Variants in ERC2 observed in about 807,000 individuals in gnomAD.
ERC2 encodes ERC protein 2.
ERC2 carries 42 observed loss-of-function variants against 114.8 expected under a neutral mutation model. The observed-to-expected ratio is 0.37, with a 90% CI of 0.29 to 0.47. The LOEUF is 0.47. ERC2 is among the 20% of genes least tolerant of loss of function. The probability of loss-of-function intolerance (pLI) is 0.99; values close to 1 mark genes in which losing one functional copy is unlikely to be tolerated. For synonymous variants in ERC2, 454 were observed against 425.5 expected, an observed-to-expected ratio of 1.07 and a Z score of -0.82; for missense variants, 939 against 1,150.7, an observed-to-expected ratio of 0.82 and a Z score of 2.66.
chr3:56,148,697 G>C (rs566944871), intron 5 of ERC2, among the ~76,000 whole-genome samples: 2 of 152,214 alleles, frequency 1.3e-5, no homozygotes, highest in South Asian at 4.2e-4. Flanking sequence ...GAAGAGAGTG[G>C]ACTATAAATA....
chr3:55,840,204 A>G (rs1351977108), intron 14 of ERC2, among the ~76,000 whole-genome samples: 2 of 152,038 alleles, frequency 1.3e-5, no homozygotes, highest in Non-Finnish European at 1.5e-5. Context: ...TCCCCACACT[A>G]GGTGAAAAGA....
At chr3:56,404,205 C>A (rs2060625222) in intron 2 of ERC2, among the ~76,000 whole-genome samples, 1 of 152,202 alleles carries the variant, frequency 6.6e-6, no homozygotes. Context: ...GTAAGATTCT[C>A]TCTTGTTTTG....
intron 17 of ERC2, among the ~76,000 whole-genome samples, chr3:55,668,166 A>T (rs368618043): frequency 1.3e-5 from 2 of 152,132 alleles, no homozygotes; most frequent in East Asian, 3.9e-4. Context: ...CCCAACCATG[A>T]GTTAGCTGGC....
chr3:56,445,405 T>A (rs2062514230), intron 1 of ERC2, among the ~76,000 whole-genome samples: 1 of 152,224 alleles, frequency 6.6e-6, no homozygotes, highest in South Asian at 2.1e-4. Context: ...TGCTCTTGAA[T>A]CTTCTCCGTT....
intron 6 of ERC2, among the ~76,000 whole-genome samples, chr3:56,093,651 T>G (rs1324462793): frequency 6.6e-6 from 1 of 152,164 alleles, no homozygotes; most frequent in East Asian, 1.9e-4. Flanking sequence ...ATTTAGATTT[T>G]ATTAACTTTG....
intron 14 of ERC2, among the ~76,000 whole-genome samples, chr3:55,768,378 C>T (rs1196358988): frequency 6.6e-6 from 1 of 152,192 alleles, no homozygotes; most frequent in Admixed American, 6.5e-5. Flanking sequence ...ACTTAATGAT[C>T]ACCAACTCTG....
intron 5 of ERC2, among the ~76,000 whole-genome samples, chr3:56,144,389 G>A (rs4974169): frequency 0.18 from 28,004 of 152,134 alleles, 2,966 homozygotes; most frequent in Admixed American, 0.28. Flanking sequence ...GGGGGGTATG[G>A]CCCCAAATTA....
chr3:55,672,570 G>A (rs922302758), intron 17 of ERC2, among the ~76,000 whole-genome samples: 1 of 152,156 alleles, frequency 6.6e-6, no homozygotes, highest in African/African-American at 2.4e-5. Flanking sequence ...GCTGATGGGA[G>A]ATCAGATGAA....
At chr3:55,906,921 G>A (rs1424690367) in intron 13 of ERC2, among the ~76,000 whole-genome samples, 4 of 152,132 alleles carry the variant, frequency 2.6e-5, no homozygotes, top group South Asian at 2.1e-4. Flanking sequence ...TGATGATGCC[G>A]CAGCCATATC....
At chr3:56,096,168 G>C (rs531586168) in intron 6 of ERC2, among the ~76,000 whole-genome samples, 4 of 152,290 alleles carry the variant, frequency 2.6e-5, no homozygotes, top group African/African-American at 4.8e-5. Flanking sequence ...ATAGTGAAAA[G>C]TGACATAATT....
At chr3:55,993,985 C>T (rs2071284473) in intron 10 of ERC2, among the ~76,000 whole-genome samples, 1 of 152,104 alleles carries the variant, frequency 6.6e-6, no homozygotes, top group Non-Finnish European at 1.5e-5. Flanking sequence ...AAAGTAACTA[C>T]TCCATATACC....
chr3:56,413,864 C>T (rs914144936), intron 2 of ERC2, among the ~76,000 whole-genome samples: 19 of 152,188 alleles, frequency 1.2e-4, no homozygotes, highest in African/African-American at 3.4e-4. Flanking sequence ...GTTGTTACTC[C>T]GCTTTAATAA....
chr3:56,445,309 C>A (rs866445684), intron 1 of ERC2, among the ~76,000 whole-genome samples: 1 of 152,202 alleles, frequency 6.6e-6, no homozygotes, highest in Admixed American at 6.5e-5. Context: ...CATATAAGGT[C>A]TTAAACAATT....
intron 6 of ERC2, among the ~76,000 whole-genome samples, chr3:56,136,470 T>C (rs1322765354): frequency 6.6e-6 from 1 of 152,056 alleles, no homozygotes; most frequent in Non-Finnish European, 1.5e-5. Context: ...CATGTGTGGG[T>C]TTGTTGTATA....
intron 2 of ERC2, among the ~76,000 whole-genome samples, chr3:56,346,009 G>A (rs2058293391): frequency 2.0e-5 from 3 of 152,130 alleles, no homozygotes; most frequent in South Asian, 2.1e-4. Context: ...ACTAACCTGG[G>A]GAAGCCAAAA....
chr3:56,351,611 T>G (rs551420451), intron 2 of ERC2, among the ~76,000 whole-genome samples: 1 of 152,288 alleles, frequency 6.6e-6, no homozygotes, highest in Admixed American at 6.5e-5. Flanking sequence ...ACACTTGAAG[T>G]GACAGATGTG....
intron 14 of ERC2, among the ~76,000 whole-genome samples, chr3:55,869,087 A>G (rs74707857): frequency 0.055 from 8,411 of 152,238 alleles, 385 homozygotes; most frequent in East Asian, 0.24. Flanking sequence ...TTTTATATCC[A>G]GTTACAGTTG....
chr3:55,735,168 G>A (rs1244331013), intron 14 of ERC2, among the ~76,000 whole-genome samples: 1 of 152,084 alleles, frequency 6.6e-6, no homozygotes, highest in Admixed American at 6.6e-5. Context: ...AATGGGAAGG[G>A]ACAAATCTGA....
intron 3 of ERC2, among the ~76,000 whole-genome samples, chr3:56,233,406 AG>A (rs2050750853): frequency 6.6e-6 from 1 of 152,200 alleles, no homozygotes; most frequent in African/African-American, 2.4e-5. Flanking sequence ...AGATCACCTG[AG>A]GTCAGGAGTT....
Sources: allele counts gnomAD v4.1 joint callset (sites outside exome capture counted in the v4.1 genomes callset), GRCh38; gene constraint gnomAD v4.1.1; transcripts MANE v1.5; gene names NCBI Gene and HGNC (gene_info 2026-07-23, HGNC 2026-07-21).